The following NBPF26 variants were observed in gnomAD, a reference collection of about 807,000 sequenced individuals.
NBPF26 encodes NBPF member 26, also known as NBPF family member NBPF26.
NBPF26 carries 79 observed loss-of-function variants against 119.6 expected under a neutral mutation model. The ratio of observed to expected loss-of-function variants is 0.66; its 90% CI spans 0.55 to 0.80. The LOEUF (loss-of-function observed/expected upper bound fraction) is 0.80. NBPF26 is among the 30% of genes least tolerant of loss of function. The pLI, the probability that NBPF26 is intolerant of heterozygous loss-of-function variation, is 0.00. For synonymous variants in NBPF26, 299 were observed against 457.7 expected (o/e 0.65, Z 4.43); for missense variants, 800 against 1,198.2 (o/e 0.67, Z 4.91).
rs2101454595 is a variant in NBPF26 at position 120,785,105 on chromosome 1, T to A, written c.287T>A (p.Phe96Tyr). 4 of 1,446,106 alleles carry A rather than the reference T, an allele frequency of 2.8e-6. No homozygotes were observed. In the East Asian group the frequency reaches 9.3e-5, roughly 34 times the overall value. 89.6% of individuals were successfully genotyped at this position (1,446,106 alleles called of 1,614,324 possible). A position where few individuals can be genotyped will look rare whatever the true frequency, so the allele number is the denominator to read the frequency against. ...GCCACGTGCCGGTGTGCCTCAGGGT[T>A]TACAGGAGAGGACTGCCAGTACTCG... Residue 96 changes from phenylalanine (F) to tyrosine (Y), a missense_variant, in exon 3 of 30, where the codon TTT becomes TAT. By Grantham distance (22) the Phe-to-Tyr change is conservative (BLOSUM62 3). Coordinates refer to ENST00000620612, the Ensembl canonical transcript of NBPF26.
chr1:120,814,829 G>A lies in NBPF26; in HGVS notation c.1878G>A (p.Arg626=), dbSNP rs1280390478. Residue 626 remains arginine (R), a splice_region_variant and synonymous_variant, in exon 12 of 30, where the codon AGG becomes AGA. Transcript: ENST00000620612. ...AATTTTCTCTACCGTCTCACCTTAG[G>A]CAATATAAAGTCCTGGTTCACGCTC... 3.2e-6 allele frequency: 4 copies of A among 1,254,536 alleles called. 1 individual carries two copies. The highest frequency in any genetic ancestry group is 4.5e-5 in the African/African-American group (2 of 44,196). 77.7% of individuals were successfully genotyped at this position (1,254,536 alleles called of 1,614,324 possible).
rs1175209064 is a variant in NBPF26 at position 120,730,515 on chromosome 1, T to C, written c.73+6265T>C. Among the ~76,000 whole-genome samples, 2 of 93,764 alleles carry C rather than the reference T, an allele frequency of 2.1e-5. 1 individual carries two copies. Among genetic ancestry groups the C allele is most frequent in the Admixed American group, 2.1e-4 (2 of 9,424 alleles). 61.5% of individuals were successfully genotyped at this position (93,764 alleles called of 152,430 possible). A position where few individuals can be genotyped will look rare whatever the true frequency, so the allele number is the denominator to read the frequency against. On this transcript the variant is annotated intron_variant, in intron 1 of 29. Transcript: ENST00000620612. Reference sequence around the variant, plus strand: ...AAGTGGCTTCAGATCTGAAAGGATATGCTCATAGGCTTGAGACGGGACAAA... The same window carrying C: ...AAGTGGCTTCAGATCTGAAAGGATACGCTCATAGGCTTGAGACGGGACAAA...
intron 4 of NBPF26, among the ~76,000 whole-genome samples, chr1:120,801,539 G>T (rs1328081122): frequency 1.4e-5 from 1 of 69,474 alleles, no homozygotes; most frequent in East Asian, 2.5e-4. Context: ...AAAAAAAAAA[G>T]CATTTCAGGG....
At chr1:120,832,611 G>A (rs1193276028) in intron 22 of NBPF26, among the ~76,000 whole-genome samples, 1 of 121,104 alleles carries the variant, frequency 8.3e-6, no homozygotes, top group Non-Finnish European at 1.6e-5. Context: ...GTAAAAATAT[G>A]GCATAACTGT....
chr1:120,820,448 ATATATATAT>A (rs1193360269), intron 15 of NBPF26, among the ~76,000 whole-genome samples: 2 of 2,284 alleles, frequency 8.8e-4, no homozygotes. Context: ...AGTATTAAAA[ATATATATAT>A]ATATATATAT....
chr1:120,813,477 A>G (rs1286056893), intron 10 of NBPF26, among the ~76,000 whole-genome samples: 1 of 127,232 alleles, frequency 7.9e-6, no homozygotes, highest in Non-Finnish European at 1.6e-5. Flanking sequence ...TTCCCAGTAA[A>G]AGGGAAACCA....
chr1:120,806,933 ACTAT>A lies in NBPF26; in HGVS notation c.962-669_962-666del, dbSNP rs1190246475. On this transcript the variant is annotated intron_variant, in intron 5 of 29. Coordinates refer to ENST00000620612, the Ensembl canonical transcript of NBPF26. ...GAACATTAATTGGCACAGTGTAAAC[ACTAT>A]CTATTCTTCATTCTGATGTTTCTAA... Among the ~76,000 whole-genome samples, 6 of 125,066 alleles carry A rather than the reference ACTAT, an allele frequency of 4.8e-5. 1 individual carries two copies. The South Asian group carries it at 7.1e-4, about 15-fold the overall frequency. 82.0% of individuals were successfully genotyped at this position (125,066 alleles called of 152,430 possible).
rs1177031452 is a variant in NBPF26, at chr1:120,823,752, CTGTGTGTGTGTGTG to C, written c.2640-196_2640-183del. On this transcript the variant is annotated intron_variant, in intron 17 of 29. Transcript: ENST00000620612. ...ACCTGACCAATTCACTGAGCTCGCT[CTGTGTGTGTGTGTG>C]TGTGTGTGTGTGTGTGTGTGTGTGT... Among the ~76,000 whole-genome samples the C allele has an allele frequency of 3.1e-4, 23 of 73,364 alleles. 6 individuals are homozygous for C. The highest frequency in any genetic ancestry group is 1.8e-3 in the African/African-American group (16 of 8,856). 48.1% of individuals were successfully genotyped at this position (73,364 alleles called of 152,430 possible).
rs1296350000 is a variant in NBPF26 at position 120,724,259 on chromosome 1, CG to C, written c.73+12del. ...GGCGGCCCCCGCGCATGGTGAGTAT[CG>C]GGCTGAGGGGCGCTGTCCGCGGCGC... On this transcript the variant is annotated intron_variant, in intron 1 of 29. Coordinates refer to ENST00000620612, the Ensembl canonical transcript of NBPF26. 7.2e-7 allele frequency: 1 copy of C among 1,396,098 alleles called. No homozygotes were observed. Among genetic ancestry groups the C allele is most frequent in the Non-Finnish European group, 9.4e-7 (1 of 1,065,268 alleles). The allele number at this position is 1,396,098 out of a possible 1,614,324, so 86.5% of individuals were successfully genotyped here. A position where few individuals can be genotyped will look rare whatever the true frequency, so the allele number is the denominator to read the frequency against.
rs1651402036 is a variant in NBPF26, at chr1:120,784,698, CT to C, written c.156-272del. 1.7e-5 allele frequency among the ~76,000 whole-genome samples: 2 copies of C among 118,162 alleles called. 1 individual carries two copies. Among genetic ancestry groups the C allele is most frequent in the East Asian group, 4.2e-4 (2 of 4,768 alleles). 77.5% of individuals were successfully genotyped at this position (118,162 alleles called of 152,430 possible). On this transcript the variant is annotated intron_variant, in intron 2 of 29. Coordinates refer to ENST00000620612, the Ensembl canonical transcript of NBPF26. ...GCACTTAACTCCATCTATTGTGCAT[CT>C]TTTACTTAGTAATTTTGTTTTCGTC...
At chr1:120,812,871 C>T (rs1349008464) in intron 10 of NBPF26, among the ~76,000 whole-genome samples, 1 of 109,746 alleles carries the variant, frequency 9.1e-6, no homozygotes, top group Non-Finnish European at 1.7e-5. Context: ...TGCAGTGAGC[C>T]AAGATTTTGC....
In NBPF26 at chr1:120,823,635, A is replaced by T. The variant is rs1652178474; in HGVS notation, c.2639+275A>T. Among the ~76,000 whole-genome samples, 5 of 125,090 alleles carry T rather than the reference A, an allele frequency of 4.0e-5. 1 individual carries two copies. The highest frequency in any genetic ancestry group is 3.8e-4 in the Admixed American group (5 of 13,048). 82.1% of individuals were successfully genotyped at this position (125,090 alleles called of 152,430 possible). A position where few individuals can be genotyped will look rare whatever the true frequency, so the allele number is the denominator to read the frequency against. ...GAAACTTGACCACATTTTACGCAAA[A>T]TTATTGAGGACATGCTTTTCATGAT... On this transcript the variant is annotated intron_variant, in intron 17 of 29. Coordinates refer to ENST00000620612, the Ensembl canonical transcript of NBPF26.
At chr1:120,810,034 G>A (rs1239577520) in intron 8 of NBPF26, among the ~76,000 whole-genome samples, 151 bp downstream of exon 8, 1 of 134,810 alleles carries the variant, frequency 7.4e-6, no homozygotes, top group Admixed American at 7.2e-5. Context: ...ACAGGGTGCG[G>A]CAGCTGTCGT....
At position 120,730,780 on chromosome 1, in the gene NBPF26, GC is replaced by G. The variant is rs1290866575; in HGVS notation, c.73+6533del. ...ATGTAATTCACTGGTAGGATCACTA[GC>G]CCTTGGCACTAACATTTGCTATCTT... is the stretch of plus-strand genomic sequence containing the variant. On this transcript the variant is annotated intron_variant, in intron 1 of 29. Coordinates refer to ENST00000620612, the Ensembl canonical transcript of NBPF26. 1.7e-4 allele frequency among the ~76,000 whole-genome samples: 7 copies of G among 40,614 alleles called. 3 individuals are homozygous for G. Among genetic ancestry groups the G allele is most frequent in the Non-Finnish European group, 2.0e-4 (5 of 24,594 alleles). The allele number at this position is 40,614 out of a possible 152,430, so 26.6% of individuals were successfully genotyped here. A position where few individuals can be genotyped will look rare whatever the true frequency, so the allele number is the denominator to read the frequency against.
chr1:120,842,091 A>G (rs1268968714), downstream of NBPF26, among the ~76,000 whole-genome samples: 16 of 107,958 alleles, frequency 1.5e-4, 4 homozygotes, highest in Admixed American at 3.6e-4. Context: ...AATCTATACA[A>G]TTAAAACCTT....
rs1340505773 is a variant in NBPF26, at chr1:120,808,049, G to A, written c.1064+340G>A. On this transcript the variant is annotated intron_variant, in intron 6 of 29. Coordinates refer to ENST00000620612, the Ensembl canonical transcript of NBPF26. ...TCACCACCCCACTTACCCTTAGTGA[G>A]AATCACCTCCTGACTGACTGCGGCT... Among the ~76,000 whole-genome samples the A allele has an allele frequency of 4.1e-5, 5 of 120,748 alleles. 1 individual carries two copies. The highest frequency in any genetic ancestry group is 8.4e-5 in the Non-Finnish European group (5 of 59,844). 79.2% of individuals were successfully genotyped at this position (120,748 alleles called of 152,430 possible).
intron 4 of NBPF26, among the ~76,000 whole-genome samples, chr1:120,801,278 A>C (rs1446576792): frequency 8.4e-6 from 1 of 119,300 alleles, no homozygotes; most frequent in Non-Finnish European, 1.7e-5. Context: ...GTTGTCAGAG[A>C]CTGCAAGAAG....
At chr1:120,740,344 CAAG>C (rs1394099956) in intron 1 of NBPF26, among the ~76,000 whole-genome samples, 1 of 72,398 alleles carries the variant, frequency 1.4e-5, no homozygotes, top group African/African-American at 6.2e-5. Context: ...GGTTGAGACA[CAAG>C]GAGAGGATTG....
At position 120,813,462 on chromosome 1, in the gene NBPF26, T is replaced by A. The variant is rs1342810578; in HGVS notation, c.1775-429T>A. On this transcript the variant is annotated intron_variant, in intron 10 of 29. Transcript: ENST00000620612. ...TAAAAATCTTTCGCATACTTGTCCTTGAAATTCCCAGTAAAAGGGAAACCA... is the reference window on the plus strand; with the variant it reads ...TAAAAATCTTTCGCATACTTGTCCTAGAAATTCCCAGTAAAAGGGAAACCA... Among the ~76,000 whole-genome samples the A allele has an allele frequency of 5.5e-5, 7 of 127,540 alleles. 1 individual carries two copies. Among genetic ancestry groups the A allele is most frequent in the Non-Finnish European group, 1.1e-4 (7 of 62,150 alleles). The allele number at this position is 127,540 out of a possible 152,430, so 83.7% of individuals were successfully genotyped here.
Sources: gnomAD v4.1 joint callset for allele counts (sites outside exome capture counted in the v4.1 genomes callset) on GRCh38, gnomAD v4.1.1 for gene constraint, MANE v1.5 for transcripts, NCBI Gene and HGNC (gene_info 2026-07-23, HGNC 2026-07-21) for gene names.